Variants in ZC3H7A observed in about 807,000 individuals in gnomAD.
The protein encoded by ZC3H7A is zinc finger CCCH-type containing 7A.
A neutral mutation model predicts 125.5 loss-of-function variants in ZC3H7A; 44 were observed. The observed-to-expected ratio is 0.35, with a 90% CI of 0.28 to 0.45. ZC3H7A has a LOEUF of 0.45. Ranked by LOEUF, ZC3H7A falls within the 20% of genes least tolerant of loss-of-function variation. The pLI is 1.00. For synonymous variants in ZC3H7A, 399 were observed against 391.2 expected (o/e 1.02, Z -0.23); for missense variants, 977 against 1,170.7 (o/e 0.83, Z 2.41).
intron 3 of ZC3H7A, among the ~76,000 whole-genome samples, chr16:11,780,061 T>C (rs1391921490): frequency 6.6e-6 from 1 of 152,120 alleles, no homozygotes; most frequent in Non-Finnish European, 1.5e-5. Context: ...TTTTAGCATG[T>C]ATAAAAGTTT....
In ZC3H7A at chr16:11,755,728, A is replaced by G. The variant is rs537168106; in HGVS notation, c.2562+509T>C. 1.5e-4 allele frequency among the ~76,000 whole-genome samples: 23 copies of G among 152,348 alleles called. 1 individual carries two copies. In the South Asian group the frequency reaches 4.8e-3, roughly 32 times the overall value. On this transcript the variant is annotated intron_variant, in intron 21 of 22. Transcript: ENST00000355758. ...CTTGGACTTATGATTCTCTGGCTCC[A>G]AAGTCAGAAGGATTGAAGAAAGGAT...
intron 15 of ZC3H7A, 68 bp downstream of exon 15, chr16:11,764,985 T>C: frequency 1.9e-6 from 2 of 1,055,954 alleles, no homozygotes; most frequent in Admixed American, 5.3e-5. Flanking sequence ...ACATTACTAC[T>C]AGTTTTTATT....
chr16:11,752,702 C>T lies in ZC3H7A; in HGVS notation c.2693G>A (p.Arg898His). 6.2e-7 allele frequency: 1 copy of T among 1,613,802 alleles called. No individual in the cohort carries two copies. Among genetic ancestry groups the T allele is most frequent in the Non-Finnish European group, 8.5e-7 (1 of 1,179,916 alleles). The change falls in exon 22 of 23, where the codon CGC becomes CAC. Residue 898 changes from arginine (R) to histidine (H), a missense_variant. Arg to His is a conservative substitution (Grantham distance 29). Transcript: ENST00000355758. Reference sequence around the variant, plus strand: ...AATACTGAAATAGCCTGTTGGGAAGCGGTGCTGCCAGCAGTACTGGTCGTC... The same window carrying T: ...AATACTGAAATAGCCTGTTGGGAAGTGGTGCTGCCAGCAGTACTGGTCGTC... ...TEDDQYCWQH[R>H]FPTGYFSICD... is the part of the protein sequence containing the mutation.
intron 9 of ZC3H7A, among the ~76,000 whole-genome samples, chr16:11,772,056 C>T (rs1045136909): frequency 1.3e-5 from 2 of 151,806 alleles, no homozygotes; most frequent in Non-Finnish European, 2.9e-5. Context: ...ATTAGCCGGG[C>T]GTGGTAGCGG....
At chr16:11,794,591 A>C (rs1014289367) in intron 1 of ZC3H7A, among the ~76,000 whole-genome samples, 19 of 152,262 alleles carry the variant, frequency 1.2e-4, no homozygotes, top group African/African-American at 4.1e-4. Context: ...TCCAGAAGAC[A>C]AAAGTTTGCT....
chr16:11,791,088 AACACACACACACACACACACACACAC>A (rs34972921), intron 1 of ZC3H7A, among the ~76,000 whole-genome samples: 1 of 136,016 alleles, frequency 7.4e-6, no homozygotes, highest in South Asian at 2.5e-4. Flanking sequence ...AAATTTTTAA[AACACACACACACACACACACACACAC>A]ACACACACAC....
At chr16:11,756,723 T>G (rs1048287483) in intron 20 of ZC3H7A, among the ~76,000 whole-genome samples, 4 of 152,172 alleles carry the variant, frequency 2.6e-5, no homozygotes, top group Non-Finnish European at 1.5e-5. Context: ...CCACACTCAG[T>G]GTCAGAGCTA....
intron 1 of ZC3H7A, chr16:11,796,280 G>C (rs890890494): frequency 2.6e-5 from 4 of 152,208 alleles, no homozygotes; most frequent in Non-Finnish European, 5.9e-5. Context: ...ACGTTTCACA[G>C]CTGGGACCGC....
intron 21 of ZC3H7A, 97 bp from the exon 22 acceptor site, chr16:11,752,929 C>T: frequency 1.4e-6 from 2 of 1,476,564 alleles, no homozygotes; most frequent in Admixed American, 4.2e-5. Context: ...CCAGGCAAGA[C>T]ATAAAACTCA....
At chr16:11,791,377 C>A (rs1222352289) in intron 1 of ZC3H7A, among the ~76,000 whole-genome samples, 8 of 152,126 alleles carry the variant, frequency 5.3e-5, no homozygotes, top group Admixed American at 5.2e-4. Context: ...CTTCCCAGCT[C>A]TTCACAGAGC....
intron 5 of ZC3H7A, 86 bp downstream of exon 5, chr16:11,776,665 G>A: frequency 6.6e-7 from 1 of 1,520,516 alleles, no homozygotes; most frequent in Non-Finnish European, 8.8e-7. Context: ...CAGGTTGATG[G>A]ATGACTGGAA....
intron 11 of ZC3H7A, 62 bp downstream of exon 11, chr16:11,768,969 G>A: frequency 6.7e-7 from 1 of 1,490,468 alleles, no homozygotes; most frequent in Non-Finnish European, 9.1e-7. Flanking sequence ...AAATAACTCG[G>A]TTACTTAAGT....
At chr16:11,794,206 C>A (rs1596410335) in intron 1 of ZC3H7A, among the ~76,000 whole-genome samples, 1 of 152,204 alleles carries the variant, frequency 6.6e-6, no homozygotes, top group East Asian at 1.9e-4. Context: ...TCTTCCCAAC[C>A]AAGTAACCCC....
intron 19 of ZC3H7A, among the ~76,000 whole-genome samples, chr16:11,760,584 C>T (rs572217456): frequency 1.3e-4 from 20 of 152,186 alleles, no homozygotes; most frequent in Non-Finnish European, 2.9e-4. Context: ...CTCATTTACA[C>T]GGGGACTCTA....
In ZC3H7A at chr16:11,751,502, T is replaced by C. The variant is rs778541142; in HGVS notation, c.2731A>G (p.Met911Val). The change falls in exon 23 of 23, where the codon ATG becomes GTG. Residue 911 changes from methionine (M) to valine (V), a missense_variant. By Grantham distance (21) the Met-to-Val change is conservative (BLOSUM62 1). Around this residue, in one of 3 missense-constraint regions of ZC3H7A, gnomAD observed 436 missense variants for 603.2 expected, o/e 0.72. Transcript: ENST00000355758. ...TGYFSICDRY[M>V]NGTCPEGNSC... is the part of the protein sequence containing the mutation. ...TTTCCTTCTGGGCAGGTGCCATTCA[T>C]ATACCTGTAAGGAGAAGTCAGCTGC... The C allele has an allele frequency of 6.8e-6, 11 of 1,613,540 alleles. No individual in the cohort carries two copies. The highest frequency in any genetic ancestry group is 1.6e-4 in the Middle Eastern group (1 of 6,080).
chr16:11,771,576 C>A (rs962618274), intron 9 of ZC3H7A, among the ~76,000 whole-genome samples: 2 of 151,800 alleles, frequency 1.3e-5, no homozygotes, highest in Non-Finnish European at 2.9e-5. Context: ...TCTCGGCTCA[C>A]TGCAACCTCC....
intron 16 of ZC3H7A, 140 bp from the exon 17 acceptor site, chr16:11,762,887 C>A: frequency 1.4e-6 from 1 of 691,678 alleles, no homozygotes; most frequent in South Asian, 1.9e-5. Context: ...ATGAATACCA[C>A]GTTTCTCTTT....
At chr16:11,769,145 T>G (rs749031353) in intron 10 of ZC3H7A, 50 bp from the exon 11 acceptor site, 8 of 1,522,410 alleles carry the variant, frequency 5.3e-6, no homozygotes, top group Non-Finnish European at 7.2e-6. Flanking sequence ...GATCACGTAA[T>G]AAGAACATCA....
chr16:11,765,599 G>A lies in ZC3H7A; in HGVS notation c.1609C>T (p.Arg537Trp), dbSNP rs370491793. ...GCCTCCCGGCTGAATGCTCCTTTCC[G>A]CTCCAGTGTCCACACATCTATCTCC... ...QEEIDVWTLE[R>W]KGAFSREAFF... Residue 537 changes from arginine to tryptophan, a missense_variant, in exon 14 of 23, where the codon CGG becomes TGG. By Grantham distance (101) the Arg-to-Trp change is moderately radical (BLOSUM62 -3). This residue lies in a region of ZC3H7A where 436 missense variants were observed against 603.2 expected (regional missense o/e 0.72). Transcript: ENST00000355758. This position sits in a 1 kb window ranked among gnomAD's most constrained non-coding sequence, Gnocchi z 4.8. 8 of 1,614,026 alleles carry A rather than the reference G, an allele frequency of 5.0e-6. No homozygotes were observed. The highest frequency in any genetic ancestry group is 2.2e-5 in the East Asian group (1 of 44,882).
Sources: allele counts gnomAD v4.1 joint callset (sites outside exome capture counted in the v4.1 genomes callset), GRCh38; gene constraint gnomAD v4.1.1; regional missense constraint gnomAD v4.1.1; non-coding constraint Gnocchi (gnomAD v3.1); transcripts MANE v1.5; gene names NCBI Gene and HGNC (gene_info 2026-07-23, HGNC 2026-07-21).